CEACAM5: variants seen among roughly 807,000 people sequenced by gnomAD.
The protein encoded by CEACAM5 is CEA cell adhesion molecule 5.
Under a neutral mutation model 63.0 loss-of-function variants are expected in CEACAM5, and 52 were observed. The ratio of observed to expected loss-of-function variants is 0.83; its 90% CI spans 0.66 to 1.04. The LOEUF (loss-of-function observed/expected upper bound fraction) is 1.04, where lower values mean the gene tolerates loss of function less well. CEACAM5 is among the 50% of genes least tolerant of loss of function. The probability of loss-of-function intolerance (pLI) is 0.00; values close to 1 mark genes in which losing one functional copy is unlikely to be tolerated. For missense variants in CEACAM5, 790 were observed against 864.8 expected (o/e 0.91, Z 1.08); for synonymous variants, 357 against 351.3 (o/e 1.02, Z -0.18).
At position 41,709,761 on chromosome 19, in the gene CEACAM5, A is replaced by G; in HGVS notation, c.146A>G (p.Lys49Arg). The change falls in exon 2 of 10, where the codon AAG becomes AGG. Residue 49 changes from lysine to arginine, a missense_variant. Lys to Arg is a conservative substitution (Grantham distance 26). Coordinates refer to ENST00000221992, the MANE Select transcript of CEACAM5 (RefSeq NM_004363.6). Reference sequence around the variant, plus strand: ...ACGCCGTTCAATGTCGCAGAGGGGAAGGAGGTGCTTCTACTTGTCCACAAT... The same window carrying G: ...ACGCCGTTCAATGTCGCAGAGGGGAGGGAGGTGCTTCTACTTGTCCACAAT... ...ESTPFNVAEG[K>R]EVLLLVHNLP... 2 of 1,614,168 alleles carry G rather than the reference A, an allele frequency of 1.2e-6. No individual in the cohort carries two copies. Among genetic ancestry groups the G allele is most frequent in the Non-Finnish European group, 8.5e-7 (1 of 1,180,018 alleles).
rs781851553 is a variant in CEACAM5 at position 41,720,002 on chromosome 19, C to T, written c.1565C>T (p.Thr522Ile). ...PVEDKDAVAF[T>I]CEPEAQNTTY... The stretch of plus-strand genomic sequence containing the variant: ...GAGGACAAGGATGCTGTGGCCTTCA[C>T]CTGTGAACCTGAGGCTCAGAACACA... Residue 522 changes from threonine to isoleucine, a missense_variant, in exon 7 of 10, where the codon ACC becomes ATC. Coordinates refer to ENST00000221992, the MANE Select transcript of CEACAM5 (RefSeq NM_004363.6). 6.2e-7 allele frequency: 1 copy of T among 1,614,236 alleles called. No individual in the cohort carries two copies. The highest frequency in any genetic ancestry group is 8.5e-7 in the Non-Finnish European group (1 of 1,180,052).
intron 2 of CEACAM5, among the ~76,000 whole-genome samples, chr19:41,711,689 C>A (rs2072438262): frequency 6.6e-6 from 1 of 152,198 alleles, no homozygotes; most frequent in African/African-American, 2.4e-5. Flanking sequence ...CTATACCCCG[C>A]ATGGCTCATT....
intron 8 of CEACAM5, among the ~76,000 whole-genome samples, chr19:41,725,194 TTCTA>T (rs1212416037): frequency 1.3e-5 from 2 of 152,258 alleles, no homozygotes; most frequent in South Asian, 4.1e-4. Context: ...CTTTTATTGG[TTCTA>T]TCTAATTATA....
chr19:41,718,338 C>G lies in CEACAM5; in HGVS notation c.1448C>G (p.Ala483Gly), dbSNP rs1555815456. 6.2e-7 allele frequency: 1 copy of G among 1,614,094 alleles called. No individual in the cohort carries two copies. The highest frequency in any genetic ancestry group is 2.2e-5 in the East Asian group (1 of 44,884). Residue 483 changes from alanine (A) to glycine (G), a missense_variant, in exon 6 of 10, where the codon GCC becomes GGC. Physicochemically the swap from Ala to Gly is moderately conservative, Grantham distance 60 (BLOSUM62 0). Transcript: ENST00000221992. ...GLYTCQANNS[A>G]SGHSRTTVKT... Reference sequence around the variant, plus strand: ...TATACCTGCCAGGCCAATAACTCAGCCAGTGGCCACAGCAGGACTACAGTC... The same window carrying G: ...TATACCTGCCAGGCCAATAACTCAGGCAGTGGCCACAGCAGGACTACAGTC...
At position 41,709,858 on chromosome 19, in the gene CEACAM5, A is replaced by T. The variant is rs563620092; in HGVS notation, c.243A>T (p.Gly81=). 8 of 1,614,022 alleles carry T rather than the reference A, an allele frequency of 5.0e-6. No individual in the cohort carries two copies. The highest frequency in any genetic ancestry group is 6.8e-6 in the Non-Finnish European group (8 of 1,180,000). ...ERVDGNRQII[G]YVIGTQQATP... is the part of the protein sequence containing the mutation. ...TGGATGGCAACCGTCAAATTATAGG[A>T]TATGTAATAGGAACTCAACAAGCTA... Residue 81 remains glycine, a synonymous_variant, in exon 2 of 10, where the codon GGA becomes GGT. Coordinates refer to ENST00000221992, the MANE Select transcript of CEACAM5 (RefSeq NM_004363.6).
intron 2 of CEACAM5, among the ~76,000 whole-genome samples, chr19:41,714,170 G>A (rs147174325): frequency 1.4e-4 from 22 of 152,228 alleles, no homozygotes; most frequent in South Asian, 1.2e-3. Context: ...AGCCGAGATC[G>A]TGCCTGGCCA....
At chr19:41,709,618 C>G (rs1555813529) in intron 1 of CEACAM5, 62 bp from the exon 2 acceptor site, 4 of 1,561,636 alleles carry the variant, frequency 2.6e-6, no homozygotes, top group African/African-American at 2.7e-5. Context: ...GACCCAGGAC[C>G]CCATTTTTCC....
chr19:41,708,926 G>A lies in CEACAM5; in HGVS notation c.64+131G>A, dbSNP rs2072387589. The A allele has an allele frequency of 1.1e-5, 7 of 623,260 alleles. No individual in the cohort carries two copies. In the South Asian group the frequency reaches 1.5e-4, roughly 13 times the overall value. The allele number at this position is 623,260 out of a possible 1,614,324, so 38.6% of individuals were successfully genotyped here. On this transcript the variant is annotated intron_variant, in intron 1 of 9. Coordinates refer to ENST00000221992, the MANE Select transcript of CEACAM5 (RefSeq NM_004363.6). ...GGAAGAGGACATCAGAGAGGGACAG[G>A]AGTCACACCAGAAAAATCAAATTGA...
rs782032742 is a variant in CEACAM5, at chr19:41,709,833, T to C, written c.218T>C (p.Val73Ala). The change falls in exon 2 of 10, where the codon GTG becomes GCG. Residue 73 changes from valine to alanine, a missense_variant. Coordinates refer to ENST00000221992, the MANE Select transcript of CEACAM5 (RefSeq NM_004363.6). ...TACAGCTGGTACAAAGGTGAAAGAG[T>C]GGATGGCAACCGTCAAATTATAGGA... Reference protein sequence around the residue: ...FGYSWYKGERVDGNRQIIGYV... With the variant: ...FGYSWYKGERADGNRQIIGYV... The C allele has an allele frequency of 3.1e-6, 5 of 1,613,538 alleles. No homozygotes were observed. Among genetic ancestry groups the C allele is most frequent in the Non-Finnish European group, 1.7e-6 (2 of 1,179,938 alleles).
At position 41,717,614 on chromosome 19, in the gene CEACAM5, A is replaced by G. The variant is rs2072547736; in HGVS notation, c.1118A>G (p.Asn373Ser). Reference sequence around the variant, plus strand: ...GTCAGTCCCAGGCTGCAGCTGTCCAATGACAACAGGACCCTCACTCTACTC... The same window carrying G: ...GTCAGTCCCAGGCTGCAGCTGTCCAGTGACAACAGGACCCTCACTCTACTC... ...LPVSPRLQLSNDNRTLTLLSV... is the reference protein window; with the variant it reads ...LPVSPRLQLSSDNRTLTLLSV... Residue 373 changes from asparagine to serine, a missense_variant, in exon 5 of 10, where the codon AAT becomes AGT. By Grantham distance (46) the Asn-to-Ser change is conservative. Coordinates refer to ENST00000221992, the MANE Select transcript of CEACAM5 (RefSeq NM_004363.6). The G allele has an allele frequency of 3.7e-6, 6 of 1,614,230 alleles. No individual in the cohort carries two copies. The highest frequency in any genetic ancestry group is 1.1e-5 in the South Asian group (1 of 91,088).
rs1555814976 is a variant in CEACAM5 at position 41,715,861 on chromosome 19, C to T, written c.915C>T (p.Asp305=). The change falls in exon 4 of 10, where the codon GAC becomes GAT. Residue 305 remains aspartate (D), a synonymous_variant. Transcript: ENST00000221992. ...GSYTCQAHNS[D]TGLNRTTVTT... ...ATACGTGCCAAGCCCATAACTCAGA[C>T]ACTGGCCTCAATAGGACCACAGTCA... 1 of 1,614,196 alleles carries T rather than the reference C, an allele frequency of 6.2e-7. No individual in the cohort carries two copies. Among genetic ancestry groups the T allele is most frequent in the African/African-American group, 1.3e-5 (1 of 75,060 alleles).
chr19:41,714,708 C>G (rs921225599), intron 2 of CEACAM5, among the ~76,000 whole-genome samples: 2 of 152,186 alleles, frequency 1.3e-5, no homozygotes, highest in Non-Finnish European at 1.5e-5. Flanking sequence ...GACCTCCCCC[C>G]CAGTCCTGTG....
chr19:41,723,373 A>G (rs1568711616), intron 8 of CEACAM5, among the ~76,000 whole-genome samples: 1 of 152,124 alleles, frequency 6.6e-6, no homozygotes, highest in Non-Finnish European at 1.5e-5. Context: ...TGTGAGGTGG[A>G]GTATCATTGT....
intron 2 of CEACAM5, among the ~76,000 whole-genome samples, chr19:41,713,991 G>A (rs2072477818): frequency 6.6e-6 from 1 of 152,314 alleles, no homozygotes; most frequent in African/African-American, 2.4e-5. Flanking sequence ...AAGGTGGGCA[G>A]AACACCTGAG....
At chr19:41,720,264 A>T in intron 7 of CEACAM5, 56 bp downstream of exon 7, 1 of 1,576,204 alleles carries the variant, frequency 6.3e-7, no homozygotes, top group Non-Finnish European at 8.7e-7. Flanking sequence ...CCACACAGCC[A>T]GAGGCCAGGA....
At chr19:41,727,083 G>GA in intron 8 of CEACAM5, 151 bp from the exon 9 acceptor site, 1 of 737,764 alleles carries the variant, frequency 1.4e-6, no homozygotes, top group Non-Finnish European at 2.5e-6. Flanking sequence ...CAGTGAGAGA[G>GA]AAAAAATTGC....
At chr19:41,714,572 C>G (rs1327485912) in intron 2 of CEACAM5, among the ~76,000 whole-genome samples, 1 of 152,168 alleles carries the variant, frequency 6.6e-6, no homozygotes, top group Non-Finnish European at 1.5e-5. Flanking sequence ...AAAAAATATA[C>G]CTAGGGAAAC....
At chr19:41,714,819 A>T (rs1319096941) in intron 2 of CEACAM5, 152 bp from the exon 3 acceptor site, 1 of 1,396,204 alleles carries the variant, frequency 7.2e-7, no homozygotes, top group Non-Finnish European at 9.7e-7. Flanking sequence ...ATCTCAGATC[A>T]TCGTGCATCT....
rs782517851 is a variant in CEACAM5, at chr19:41,718,420, A to G, written c.1492+38A>G. The G allele has an allele frequency of 1.9e-6, 3 of 1,602,074 alleles. No individual in the cohort carries two copies. The Admixed American group carries it at 5.1e-5, about 27-fold the overall frequency. ...CTGGACCGTTAGCAATATGTTCTGG[A>G]GCGGAATCTGTCTGGTTTTCAGAAA... On this transcript the variant is annotated intron_variant, in intron 6 of 9. Coordinates refer to ENST00000221992, the MANE Select transcript of CEACAM5 (RefSeq NM_004363.6).
Sources: allele counts gnomAD v4.1 joint callset (sites outside exome capture counted in the v4.1 genomes callset), GRCh38; gene constraint gnomAD v4.1.1; transcripts MANE v1.5; gene names NCBI Gene and HGNC (gene_info 2026-07-23, HGNC 2026-07-21).